Variants in SYT1 observed in about 807,000 individuals in gnomAD.
SYT1 encodes synaptotagmin 1.
A neutral mutation model predicts 44.8 loss-of-function variants in SYT1; 8 were observed. The ratio of observed to expected loss-of-function variants is 0.18; its 90% CI spans 0.10 to 0.32. The LOEUF (loss-of-function observed/expected upper bound fraction) is 0.32. Among genes scored for constraint, SYT1 ranks in the 10% least tolerant of loss-of-function variants. The pLI, the probability that SYT1 is intolerant of heterozygous loss-of-function variation, is 1.00. For synonymous variants in SYT1, 154 were observed against 188.8 expected, an observed-to-expected ratio of 0.82 and a Z score of 1.51; for missense variants, 286 against 509.3, an observed-to-expected ratio of 0.56 and a Z score of 4.22.
At position 78,883,163 on chromosome 12, in the gene SYT1, T is replaced by A. The variant is rs190649821; in HGVS notation, c.-217+18054T>A. Among the ~76,000 whole-genome samples, 3 of 151,838 alleles carry A rather than the reference T, an allele frequency of 2.0e-5. No homozygotes were observed. In the East Asian group the frequency reaches 5.8e-4, roughly 30 times the overall value. On this transcript the variant is annotated intron_variant, in intron 1 of 10. Transcript: ENST00000261205. ...CGAACAGTAATACACTAAATTATAA[T>A]GTTATAACAGTGAACAATTGATGTT...
chr12:79,159,430 T>C (rs1232924630), intron 3 of SYT1, among the ~76,000 whole-genome samples: 1 of 152,214 alleles, frequency 6.6e-6, no homozygotes, highest in Non-Finnish European at 1.5e-5. Flanking sequence ...TTCAGTTACC[T>C]GTGGTCAACC....
chr12:78,951,341 C>T (rs1211471185), intron 1 of SYT1, among the ~76,000 whole-genome samples: 1 of 152,012 alleles, frequency 6.6e-6, no homozygotes, highest in Non-Finnish European at 1.5e-5. Context: ...ATGCTAGACT[C>T]TAGGGATATA....
At chr12:78,885,356 G>A (rs929220500) in intron 1 of SYT1, among the ~76,000 whole-genome samples, 2 of 147,934 alleles carry the variant, frequency 1.4e-5, no homozygotes, top group South Asian at 2.2e-4. Flanking sequence ...AGGAAGGAAC[G>A]AAGGAAGGAA....
chr12:79,014,624 C>T (rs1306582521), intron 2 of SYT1, among the ~76,000 whole-genome samples: 1 of 152,112 alleles, frequency 6.6e-6, no homozygotes, highest in Admixed American at 6.5e-5. Context: ...GGACTGTATA[C>T]TAGTTCAACC....
At chr12:79,260,533 A>T (rs1162379847) in intron 4 of SYT1, among the ~76,000 whole-genome samples, 2 of 152,214 alleles carry the variant, frequency 1.3e-5, no homozygotes, top group African/African-American at 4.8e-5. Flanking sequence ...GTTGTGTTCT[A>T]GTATCACTGT....
chr12:78,872,867 G>A (rs2137037862), intron 1 of SYT1, among the ~76,000 whole-genome samples: 1 of 151,798 alleles, frequency 6.6e-6, no homozygotes. Flanking sequence ...ACACTTAAAT[G>A]GAATGTGTCA....
chr12:79,284,291 T>C (rs536420082), intron 4 of SYT1, among the ~76,000 whole-genome samples: 2 of 152,284 alleles, frequency 1.3e-5, no homozygotes, highest in Non-Finnish European at 2.9e-5. Context: ...GAGACAACTG[T>C]AATAGAAAAC....
intron 8 of SYT1, among the ~76,000 whole-genome samples, chr12:79,345,621 A>T (rs1373595298): frequency 6.6e-6 from 1 of 152,230 alleles, no homozygotes; most frequent in Non-Finnish European, 1.5e-5. Flanking sequence ...GCCTGAACAC[A>T]TTACACAGCA....
chr12:78,941,281 C>A (rs1370674229), intron 1 of SYT1, among the ~76,000 whole-genome samples: 1 of 151,066 alleles, frequency 6.6e-6, no homozygotes, highest in Non-Finnish European at 1.5e-5. Flanking sequence ...ACTGTGTTAG[C>A]CAGGATGGTC....
At chr12:79,225,715 A>G (rs1462890934) in intron 4 of SYT1, among the ~76,000 whole-genome samples, 1 of 152,178 alleles carries the variant, frequency 6.6e-6, no homozygotes, top group Non-Finnish European at 1.5e-5. Context: ...AGAATAAACA[A>G]CATGAGACAC....
chr12:79,172,036 AT>A (rs1290368309), intron 3 of SYT1, among the ~76,000 whole-genome samples: 3 of 151,878 alleles, frequency 2.0e-5, no homozygotes, highest in Non-Finnish European at 2.9e-5. Context: ...ATCTCTTTTA[AT>A]TATTTATTTA....
chr12:79,025,843 C>T (rs1023385063), intron 2 of SYT1, among the ~76,000 whole-genome samples: 3 of 151,426 alleles, frequency 2.0e-5, no homozygotes, highest in African/African-American at 7.3e-5. Context: ...TATAAGTGAC[C>T]TTTTCAGAAG....
chr12:78,943,074 A>G (rs548806703), intron 1 of SYT1, among the ~76,000 whole-genome samples: 1 of 152,198 alleles, frequency 6.6e-6, no homozygotes, highest in African/African-American at 2.4e-5. Context: ...TAAGAAGAAG[A>G]TATTTACTAC....
chr12:79,269,090 CTTTT>C (rs75011106), intron 4 of SYT1, among the ~76,000 whole-genome samples: 1 of 144,024 alleles, frequency 6.9e-6, no homozygotes, highest in East Asian at 2.0e-4. Flanking sequence ...TTGCCCTTCT[CTTTT>C]TTTTTTTTTT....
At chr12:79,268,972 G>A (rs1404111791) in intron 4 of SYT1, among the ~76,000 whole-genome samples, 2 of 151,990 alleles carry the variant, frequency 1.3e-5, no homozygotes, top group African/African-American at 4.8e-5. Context: ...GAAAAGAAAC[G>A]GTGTCTTCCA....
chr12:78,926,041 CA>C (rs1877285919), intron 1 of SYT1, among the ~76,000 whole-genome samples: 1 of 151,930 alleles, frequency 6.6e-6, no homozygotes, highest in South Asian at 2.1e-4. Context: ...GAAAACATAT[CA>C]GGGTCAGAAC....
chr12:79,081,443 G>A (rs961822529), intron 3 of SYT1, among the ~76,000 whole-genome samples: 6 of 150,276 alleles, frequency 4.0e-5, no homozygotes, highest in Non-Finnish European at 7.4e-5. Flanking sequence ...GCAGTGGCAT[G>A]ATCTTGGCTC....
chr12:79,224,123 A>G (rs1875341759), intron 4 of SYT1, among the ~76,000 whole-genome samples: 1 of 152,038 alleles, frequency 6.6e-6, no homozygotes, highest in African/African-American at 2.4e-5. Context: ...TTTGTGGGAG[A>G]TGGTATCTGG....
chr12:78,979,945 G>T (rs570799300), intron 2 of SYT1, among the ~76,000 whole-genome samples: 2 of 151,804 alleles, frequency 1.3e-5, no homozygotes, highest in Non-Finnish European at 2.9e-5. Flanking sequence ...AATTTCAACC[G>T]ATCTTTTTGT....
Sources: gnomAD v4.1 joint callset for allele counts (sites outside exome capture counted in the v4.1 genomes callset) on GRCh38, gnomAD v4.1.1 for gene constraint, MANE v1.5 for transcripts, NCBI Gene and HGNC (gene_info 2026-07-23, HGNC 2026-07-21) for gene names.